Variants in KCMF1 observed in about 807,000 individuals in gnomAD.
The protein encoded by KCMF1 is potassium channel modulatory factor 1, also known as E3 ubiquitin-protein ligase KCMF1.
A neutral mutation model predicts 41.1 loss-of-function variants in KCMF1; 3 were observed. The observed-to-expected ratio is 0.07, with a 90% CI of 0.03 to 0.19. The LOEUF (loss-of-function observed/expected upper bound fraction) is 0.19. Among genes scored for constraint, KCMF1 ranks in the 10% least tolerant of loss-of-function variants. The pLI is 1.00. For missense variants in KCMF1, 286 were observed against 488.9 expected (o/e 0.58, Z 3.91); for synonymous variants, 142 against 164.5 (o/e 0.86, Z 1.04).
At position 85,058,598 on chromosome 2, in the gene KCMF1, A is replaced by C. The variant is rs1052709034; in HGVS notation, c.*5189A>C. ...CCATCAGTTCGCTGCTCTCTCATTC[A>C]TACATACTTTTTGAGTTCCCAGTAG... is the stretch of plus-strand genomic sequence containing the variant. On this transcript the variant is annotated 3_prime_UTR_variant, in exon 7 of 7. Transcript: ENST00000409785. 6.6e-6 allele frequency: 1 copy of C among 152,192 alleles called. No individual in the cohort carries two copies. The highest frequency in any genetic ancestry group is 1.9e-4 in the East Asian group (1 of 5,186). The allele number at this position is 152,192 out of a possible 1,614,324, so 9.4% of individuals were successfully genotyped here.
At chr2:85,051,958 T>C (rs1418651698) in intron 6 of KCMF1, among the ~76,000 whole-genome samples, 1 of 152,244 alleles carries the variant, frequency 6.6e-6, no homozygotes, top group Non-Finnish European at 1.5e-5. Flanking sequence ...GTCTTTTCTT[T>C]GACCAGGGGC....
At chr2:85,046,300 A>T in intron 5 of KCMF1, 22 bp downstream of exon 5, 1 of 1,595,564 alleles carries the variant, frequency 6.3e-7, no homozygotes, top group Non-Finnish European at 8.6e-7. Flanking sequence ...TCACATTAAT[A>T]AGGGAAATGG....
At chr2:85,016,920 C>T (rs1409212096) in intron 1 of KCMF1, among the ~76,000 whole-genome samples, 2 of 152,004 alleles carry the variant, frequency 1.3e-5, no homozygotes, top group Non-Finnish European at 2.9e-5. Flanking sequence ...GAACCCCTGA[C>T]CTTAGGTGAT....
rs751143549 is a variant in KCMF1 at position 85,034,966 on chromosome 2, A to G, written c.185-50A>G. 4.1e-6 allele frequency: 6 copies of G among 1,458,818 alleles called. No homozygotes were observed. The African/African-American group carries it at 4.2e-5, about 10-fold the overall frequency. The allele number at this position is 1,458,818 out of a possible 1,614,324, so 90.4% of individuals were successfully genotyped here. A position where few individuals can be genotyped will look rare whatever the true frequency, so the allele number is the denominator to read the frequency against. On this transcript the variant is annotated intron_variant, in intron 2 of 6. Coordinates refer to ENST00000409785, the MANE Select transcript of KCMF1 (RefSeq NM_020122.5). ...TATTGTATCGTACGATTACATTTTT[A>G]TATGTTTAAAAACTAATATTCCTCA... is the stretch of plus-strand genomic sequence containing the variant.
intron 6 of KCMF1, among the ~76,000 whole-genome samples, chr2:85,049,945 G>T (rs969414949): frequency 6.6e-6 from 1 of 152,104 alleles, no homozygotes; most frequent in Non-Finnish European, 1.5e-5. Context: ...GATCGCCAGA[G>T]CCCAGGAGTT....
At chr2:85,007,735 T>C (rs567222928) in intron 1 of KCMF1, among the ~76,000 whole-genome samples, 1 of 152,288 alleles carries the variant, frequency 6.6e-6, no homozygotes, top group South Asian at 2.1e-4. Flanking sequence ...TATGTATGTA[T>C]GTGTAATTAA....
At chr2:85,048,681 C>A (rs142525644) in intron 5 of KCMF1, among the ~76,000 whole-genome samples, 2 of 152,284 alleles carry the variant, frequency 1.3e-5, no homozygotes, top group African/African-American at 2.4e-5. Context: ...GCCTTATGGA[C>A]ACAAGACAGT....
At position 85,045,987 on chromosome 2, in the gene KCMF1, T is replaced by G. The variant is rs1574042648; in HGVS notation, c.427-117T>G. ...TGGGACATTTGCACTTTAAGTTAAATGTGCTGTTTTTAAATGCTTACAATT... is the reference window on the plus strand; with the variant it reads ...TGGGACATTTGCACTTTAAGTTAAAGGTGCTGTTTTTAAATGCTTACAATT... On this transcript the variant is annotated intron_variant, in intron 4 of 6. Transcript: ENST00000409785. The G allele has an allele frequency of 7.4e-6, 6 of 807,600 alleles. No individual in the cohort carries two copies. The East Asian group carries it at 1.6e-4, about 22-fold the overall frequency. 50.0% of individuals were successfully genotyped at this position (807,600 alleles called of 1,614,324 possible).
rs1674573212 is a variant in KCMF1 at position 85,008,567 on chromosome 2, T to G, written c.17-19322T>G. Among the ~76,000 whole-genome samples, 3 of 149,406 alleles carry G rather than the reference T, an allele frequency of 2.0e-5. No individual in the cohort carries two copies. The South Asian group carries it at 6.3e-4, about 31-fold the overall frequency. Reference sequence around the variant, plus strand: ...ACTACCAAGAAACAGCACAAAAAGGTGAAAACATGGGACTAAATAGACCAT... The same window carrying G: ...ACTACCAAGAAACAGCACAAAAAGGGGAAAACATGGGACTAAATAGACCAT... On this transcript the variant is annotated intron_variant, in intron 1 of 6. Transcript: ENST00000409785.
intron 1 of KCMF1, among the ~76,000 whole-genome samples, chr2:85,005,794 G>A (rs925873943): frequency 8.6e-5 from 13 of 151,970 alleles, no homozygotes; most frequent in African/African-American, 2.7e-4. Context: ...ATAGGCATAA[G>A]CCACCACACC....
Position 84,993,902 on chromosome 2 carries a change from T to TTTTTG in KCMF1, c.16+22494_16+22498dup, listed in dbSNP as rs199701778. On this transcript the variant is annotated intron_variant, in intron 1 of 6. Coordinates refer to ENST00000409785, the MANE Select transcript of KCMF1 (RefSeq NM_020122.5). ...ACCCCCCATTTTTGAGTTTGAACAT[T>TTTTTG]TTTTGTTTTGTTTTGTTTTGTTTTG... is the stretch of plus-strand genomic sequence containing the variant. Among the ~76,000 whole-genome samples, 643 of 135,390 alleles carry TTTTTG rather than the reference T, an allele frequency of 4.7e-3. 5 individuals carry two copies. Among genetic ancestry groups the TTTTTG allele is most frequent in the African/African-American group, 0.012 (419 of 35,120 alleles). 88.8% of individuals were successfully genotyped at this position (135,390 alleles called of 152,430 possible).
At chr2:85,019,951 TA>T (rs201158649) in intron 1 of KCMF1, among the ~76,000 whole-genome samples, 17 of 151,792 alleles carry the variant, frequency 1.1e-4, no homozygotes, top group Admixed American at 5.9e-4. Context: ...ATAGTAAATT[TA>T]AAAAAAACCC....
intron 1 of KCMF1, among the ~76,000 whole-genome samples, chr2:85,008,356 T>TATATAATAGGATATATAATATATATC (rs1558573591): frequency 1.6e-5 from 1 of 60,978 alleles, no homozygotes; most frequent in African/African-American, 7.8e-5. Context: ...TAATATATAA[T>TATATAATAGGATATATAATATATATC]ATATATTATA....
At chr2:85,049,734 T>C (rs1311379026) in intron 6 of KCMF1, 86 bp downstream of exon 6, 18 of 1,106,524 alleles carry the variant, frequency 1.6e-5, no homozygotes, top group African/African-American at 3.2e-5. Flanking sequence ...CTTTTGTGCA[T>C]TATATTTCTT....
intron 1 of KCMF1, among the ~76,000 whole-genome samples, chr2:84,979,888 T>C (rs967205981): frequency 2.0e-5 from 3 of 152,056 alleles, no homozygotes; most frequent in African/African-American, 7.2e-5. Context: ...AGTGGCGCGA[T>C]CTCGGCTCAC....
intron 1 of KCMF1, among the ~76,000 whole-genome samples, chr2:84,976,021 C>CT (rs1425108255): frequency 6.6e-6 from 1 of 152,108 alleles, no homozygotes; most frequent in African/African-American, 2.4e-5. Flanking sequence ...CAGCTCCTTA[C>CT]TTTAAGTCTG....
chr2:84,971,495 A>C (rs2103952594), intron 1 of KCMF1, 28 bp downstream of exon 1: 5 of 1,205,328 alleles, frequency 4.1e-6, no homozygotes, highest in Non-Finnish European at 5.3e-6. Context: ...CCCCACCCGC[A>C]CCTCCCGGGC....
At chr2:85,018,456 G>GTC in intron 1 of KCMF1, among the ~76,000 whole-genome samples, 1 of 152,042 alleles carries the variant, frequency 6.6e-6, no homozygotes, top group Non-Finnish European at 1.5e-5. Context: ...ATTTAGTAGA[G>GTC]ATGGGGTTTT....
chr2:84,971,505 C>A, intron 1 of KCMF1, 38 bp downstream of exon 1: 1 of 1,169,062 alleles, frequency 8.6e-7, no homozygotes, highest in South Asian at 2.5e-5. Flanking sequence ...ACCTCCCGGG[C>A]CTCGGCCTAC....
Sources: gnomAD v4.1 joint callset for allele counts (sites outside exome capture counted in the v4.1 genomes callset) on GRCh38, gnomAD v4.1.1 for gene constraint, MANE v1.5 for transcripts, NCBI Gene and HGNC (gene_info 2026-07-23, HGNC 2026-07-21) for gene names.